The following TENM3 variants were observed in gnomAD, a reference collection of about 807,000 sequenced individuals.
TENM3 encodes teneurin transmembrane protein 3.
TENM3 carries 63 observed loss-of-function variants against 255.1 expected under a neutral mutation model. That is an observed-to-expected ratio of 0.25 (90% CI 0.20 to 0.30). TENM3 has a LOEUF of 0.30. Ranked by LOEUF, TENM3 falls within the 10% of genes least tolerant of loss-of-function variation. The pLI is 1.00. For missense variants in TENM3, 2,929 were observed against 3,461.1 expected (o/e 0.85, Z 3.86); for synonymous variants, 1,306 against 1,322.3 (o/e 0.99, Z 0.27).
intron 3 of TENM3, among the ~76,000 whole-genome samples, chr4:182,449,809 G>T (rs1773299112): frequency 6.6e-6 from 1 of 152,196 alleles, no homozygotes; most frequent in Admixed American, 6.5e-5. Flanking sequence ...GTTGTGCTTC[G>T]ATGCAGGCTA....
chr4:182,318,461 G>A (rs577438087), intron 1 of TENM3, among the ~76,000 whole-genome samples: 6 of 152,176 alleles, frequency 3.9e-5, no homozygotes, highest in Non-Finnish European at 7.4e-5. Flanking sequence ...ATTACATTAC[G>A]AAACTTCTCT....
chr4:182,780,128 C>T (rs1002423123), intron 24 of TENM3, among the ~76,000 whole-genome samples: 45 of 152,258 alleles, frequency 3.0e-4, no homozygotes, highest in Middle Eastern at 3.4e-3. Context: ...GAAGTCCTTG[C>T]GCATGCCTAT....
At chr4:181,925,382 T>G in the TENM3 span, among the ~76,000 whole-genome samples, 1 of 152,364 alleles carries the variant, frequency 6.6e-6, no homozygotes, top group South Asian at 2.1e-4. Flanking sequence ...GGTTTACCTG[T>G]AATTGCTTTA....
At chr4:181,696,265 C>G in the TENM3 span, among the ~76,000 whole-genome samples, 48 of 152,086 alleles carry the variant, frequency 3.2e-4, no homozygotes, top group African/African-American at 1.0e-3. Context: ...ATTAGACTTA[C>G]AGCACACAGC....
At chr4:182,213,854 T>G (rs1397629535) in intron 1 of TENM3, among the ~76,000 whole-genome samples, 1 of 152,122 alleles carries the variant, frequency 6.6e-6, no homozygotes, top group South Asian at 2.1e-4. Flanking sequence ...CAGGCTGGAG[T>G]GCAGTGGCGC....
At chr4:181,662,565 C>A in the TENM3 span, among the ~76,000 whole-genome samples, 2 of 152,156 alleles carry the variant, frequency 1.3e-5, no homozygotes, top group Non-Finnish European at 2.9e-5. Context: ...TCGGCCTGGG[C>A]AAAGACCCAA....
At chr4:182,160,042 G>C (rs927916956) in intron 1 of TENM3, among the ~76,000 whole-genome samples, 1 of 144,720 alleles carries the variant, frequency 6.9e-6, no homozygotes, top group Non-Finnish European at 1.6e-5. Flanking sequence ...TCGCTCTGTC[G>C]CCCAGGCTGG....
chr4:181,462,287 A>C, the TENM3 span, among the ~76,000 whole-genome samples: 3 of 152,176 alleles, frequency 2.0e-5, no homozygotes, highest in African/African-American at 4.8e-5. Flanking sequence ...TTAAAGATCC[A>C]GGGGATGGGA....
the TENM3 span, among the ~76,000 whole-genome samples, chr4:181,593,372 G>A: frequency 2.4e-4 from 36 of 152,154 alleles, no homozygotes; most frequent in Non-Finnish European, 7.4e-5. Flanking sequence ...GGAAATATTT[G>A]CATATACACT....
chr4:182,531,230 A>C lies in TENM3; in HGVS notation c.512-69694A>C, dbSNP rs1189803402. On this transcript the variant is annotated intron_variant, in intron 3 of 27. Transcript: ENST00000511685. ...GAGACATTCAATAAGAAATGCTAAC[A>C]CTGTTTTGTTATAAATAACTGAAAT... 6.6e-5 allele frequency among the ~76,000 whole-genome samples: 10 copies of C among 152,328 alleles called. No homozygotes were observed. In the South Asian group the frequency reaches 1.0e-3, roughly 16 times the overall value.
At chr4:181,464,425 T>C in the TENM3 span, among the ~76,000 whole-genome samples, 1 of 152,192 alleles carries the variant, frequency 6.6e-6, no homozygotes, top group African/African-American at 2.4e-5. Flanking sequence ...TTTCAGGTGG[T>C]TCTTGATCAT....
the TENM3 span, among the ~76,000 whole-genome samples, chr4:181,932,350 C>T: frequency 3.3e-5 from 5 of 152,022 alleles, no homozygotes; most frequent in Non-Finnish European, 5.9e-5. Flanking sequence ...AAAAAGTGGA[C>T]AAAGAATATG....
intron 3 of TENM3, among the ~76,000 whole-genome samples, chr4:182,491,599 T>C (rs1733905052): frequency 6.6e-6 from 1 of 152,208 alleles, no homozygotes; most frequent in African/African-American, 2.4e-5. Flanking sequence ...AAGGATTGCG[T>C]TGAAATTCTT....
chr4:182,037,504 C>T, the TENM3 span, among the ~76,000 whole-genome samples: 12 of 152,232 alleles, frequency 7.9e-5, no homozygotes, highest in South Asian at 2.3e-3. Context: ...GATCATATCA[C>T]CAAACTTCTA....
intron 4 of TENM3, among the ~76,000 whole-genome samples, chr4:182,621,582 G>T: frequency 9.5e-6 from 1 of 105,712 alleles, no homozygotes; most frequent in Non-Finnish European, 2.0e-5. Context: ...GAACAACATA[G>T]GGAGACCCCC....
the TENM3 span, among the ~76,000 whole-genome samples, chr4:181,647,182 C>G: frequency 6.6e-6 from 1 of 152,106 alleles, no homozygotes; most frequent in Admixed American, 6.5e-5. Flanking sequence ...CAACCTAAGA[C>G]CAAGCAACAA....
intron 1 of TENM3, among the ~76,000 whole-genome samples, chr4:182,164,619 A>G (rs147511824): frequency 6.6e-6 from 1 of 152,184 alleles, no homozygotes; most frequent in Admixed American, 6.5e-5. Flanking sequence ...AACATAATAC[A>G]TAATGGAAGA....
At chr4:182,657,680 G>T (rs527608368) in intron 6 of TENM3, among the ~76,000 whole-genome samples, 26 of 151,970 alleles carry the variant, frequency 1.7e-4, no homozygotes, top group African/African-American at 5.6e-4. Flanking sequence ...TTGAGACAGG[G>T]TCTCACTCTG....
the TENM3 span, among the ~76,000 whole-genome samples, chr4:181,552,809 G>A: frequency 1.3e-5 from 2 of 152,190 alleles, no homozygotes; most frequent in African/African-American, 4.8e-5. Flanking sequence ...CGGAGGTCCC[G>A]GAAGTCTTTC....
Sources: allele counts gnomAD v4.1 joint callset (sites outside exome capture counted in the v4.1 genomes callset), GRCh38; gene constraint gnomAD v4.1.1; transcripts MANE v1.5; gene names NCBI Gene and HGNC (gene_info 2026-07-23, HGNC 2026-07-21).